Variants in TBC1D8B observed in about 807,000 individuals in gnomAD.
The protein encoded by TBC1D8B is RP11-321G1.1.
In TBC1D8B, 75 loss-of-function variants were observed where a neutral mutation model predicts 82.9. That is an observed-to-expected ratio of 0.90 (90% CI 0.75 to 1.10). TBC1D8B has a LOEUF of 1.10. Ranked by LOEUF, TBC1D8B falls within the 50% of genes least tolerant of loss-of-function variation. The probability of loss-of-function intolerance (pLI) is 0.00; values close to 1 mark genes in which losing one functional copy is unlikely to be tolerated. For synonymous variants in TBC1D8B, 276 were observed against 276.8 expected (o/e 1.00, Z 0.03); for missense variants, 794 against 796.9 (o/e 1.00, Z 0.04).
Position 106,853,545 on chromosome X carries a change from G to A in TBC1D8B, c.2148G>A (p.Lys716=). ...LNRFFDNVTN[K]DSPLPSNVQQ... ...GGTTCTTTGACAATGTCACTAATAAGGATAGTCCATTGCCTTCAAATGTTC... is the reference window on the plus strand; with the variant it reads ...GGTTCTTTGACAATGTCACTAATAAAGATAGTCCATTGCCTTCAAATGTTC... The change falls in exon 13 of 21, where the codon AAG becomes AAA. Residue 716 remains lysine (K), a synonymous_variant. Coordinates refer to ENST00000357242, the MANE Select transcript of TBC1D8B (RefSeq NM_017752.3). 8.3e-7 allele frequency: 1 copy of A among 1,208,261 alleles called. No individual in the cohort carries two copies. The highest frequency in any genetic ancestry group is 1.1e-6 in the Non-Finnish European group (1 of 892,822).
At chrX:106,831,432 C>G (rs1259461494) in intron 7 of TBC1D8B, among the ~76,000 whole-genome samples, 1 of 111,011 alleles carries the variant, frequency 9.0e-6, no homozygotes, top group African/African-American at 3.3e-5. Context: ...TTAGTATGTA[C>G]CCAGGATATT....
At chrX:106,862,699 G>A (rs764414916) in intron 14 of TBC1D8B, among the ~76,000 whole-genome samples, 42 of 105,976 alleles carry the variant, frequency 4.0e-4, no homozygotes, top group Non-Finnish European at 1.2e-4. Context: ...GAGTTCTTGT[G>A]CTGGTTCTTT....
Position 106,809,181 on chromosome X carries a change from C to T in TBC1D8B, c.130+6198C>T, listed in dbSNP as rs749918119. Among the ~76,000 whole-genome samples the T allele has an allele frequency of 2.7e-5, 3 of 111,547 alleles. No individual in the cohort carries two copies. In the South Asian group the frequency reaches 1.1e-3, roughly 42 times the overall value. On this transcript the variant is annotated intron_variant, in intron 1 of 20. Transcript: ENST00000357242. Reference sequence around the variant, plus strand: ...AATGCTTTAATTCAACAGATATTTACCGAGTGCCTTTTAAAAAACAAGCAC... The same window carrying T: ...AATGCTTTAATTCAACAGATATTTATCGAGTGCCTTTTAAAAAACAAGCAC...
In TBC1D8B at chrX:106,868,484, C is replaced by A. The variant is rs376669924; in HGVS notation, c.2812+8C>A. 5.1e-6 allele frequency: 5 copies of A among 973,835 alleles called. No individual in the cohort carries two copies. The highest frequency in any genetic ancestry group is 6.6e-6 in the Non-Finnish European group (5 of 759,348). 80.3% of individuals were successfully genotyped at this position (973,835 alleles called of 1,213,427 possible). ...ATTTCAGTCAGCTGCATGGTAAATA[C>A]CTGTTTAAAATGTTAACTGTTTTGA... is the stretch of plus-strand genomic sequence containing the variant. On this transcript the variant is annotated splice_region_variant and intron_variant, in intron 18 of 20. Transcript: ENST00000357242.
chrX:106,854,967 A>T (rs1932669682), intron 14 of TBC1D8B, among the ~76,000 whole-genome samples: 1 of 112,410 alleles, frequency 8.9e-6, no homozygotes, highest in Non-Finnish European at 1.9e-5. Context: ...TATGTTTTAA[A>T]TACTTGTCTT....
Position 106,872,729 on chromosome X carries a change from A to T in TBC1D8B, c.2968-841A>T, listed in dbSNP as rs1423585095. Reference sequence around the variant, plus strand: ...ATGCCTGTAATCTGAGTGCTTTGGGAGGCCAAAGTAGGAGAGGAGCACTTG... The same window carrying T: ...ATGCCTGTAATCTGAGTGCTTTGGGTGGCCAAAGTAGGAGAGGAGCACTTG... On this transcript the variant is annotated intron_variant, in intron 20 of 20. Transcript: ENST00000357242. Among the ~76,000 whole-genome samples, 3 of 110,130 alleles carry T rather than the reference A, an allele frequency of 2.7e-5. No homozygotes were observed. In the Admixed American group the frequency reaches 2.9e-4, roughly 11 times the overall value.
In TBC1D8B at chrX:106,854,239, C is replaced by T; in HGVS notation, c.2295C>T (p.Arg765=). The T allele has an allele frequency of 8.4e-7, 1 of 1,197,059 alleles. No homozygotes were observed. Among genetic ancestry groups the T allele is most frequent in the South Asian group, 1.9e-5 (1 of 53,825 alleles). ...GCTATGAAGATATACATAGTATGCGCTGTCGAAATAGGTTGTATGTGATAC... is the reference window on the plus strand; with the variant it reads ...GCTATGAAGATATACATAGTATGCGTTGTCGAAATAGGTTGTATGTGATAC... ...NIRYEDIHSM[R]CRNRLYVIQT... The change falls in exon 14 of 21, where the codon CGC becomes CGT. Residue 765 remains arginine, a synonymous_variant. Coordinates refer to ENST00000357242, the MANE Select transcript of TBC1D8B (RefSeq NM_017752.3).
intron 5 of TBC1D8B, among the ~76,000 whole-genome samples, chrX:106,825,049 G>A (rs1448732483): frequency 9.0e-6 from 1 of 110,617 alleles, no homozygotes; most frequent in African/African-American, 3.3e-5. Flanking sequence ...CTTGTATCAT[G>A]GACAACTTTC....
intron 14 of TBC1D8B, 37 bp downstream of exon 14, chrX:106,854,333 T>A (rs1287753382): frequency 1.0e-6 from 1 of 967,826 alleles, no homozygotes; most frequent in Non-Finnish European, 1.4e-6. Flanking sequence ...CCAGTTGGAG[T>A]AATTTTTTTT....
rs180730149 is a variant in TBC1D8B at position 106,848,839 on chromosome X, G to A, written c.1837+536G>A. Among the ~76,000 whole-genome samples the A allele has an allele frequency of 1.0e-3, 114 of 110,096 alleles. 2 individuals are homozygous for A. Among genetic ancestry groups the A allele is most frequent in the African/African-American group, 3.4e-3 (102 of 30,259 alleles). On this transcript the variant is annotated intron_variant, in intron 11 of 20. Transcript: ENST00000357242. The stretch of plus-strand genomic sequence containing the variant: ...GTCGCCCAGGCTGGAGTGCGGCCTC[G>A]GCTTACTGCAAGCTCCACCTCCTGG...
intron 7 of TBC1D8B, chrX:106,830,020 G>C (rs1931991257): frequency 9.0e-6 from 1 of 111,203 alleles, no homozygotes; most frequent in African/African-American, 3.3e-5. Flanking sequence ...CTACAAAATG[G>C]GAGAAATTTT....
At chrX:106,820,105 A>T (rs965024205) in intron 2 of TBC1D8B, among the ~76,000 whole-genome samples, 2 of 111,324 alleles carry the variant, frequency 1.8e-5, no homozygotes, top group Admixed American at 1.9e-4. Flanking sequence ...TATACTAAAA[A>T]GTCAGCATAT....
chrX:106,856,982 AT>A (rs754508196), intron 14 of TBC1D8B, among the ~76,000 whole-genome samples: 98 of 109,363 alleles, frequency 9.0e-4, no homozygotes, highest in African/African-American at 2.0e-3. Flanking sequence ...TAATTGTACT[AT>A]TTTTTTTAGT....
At chrX:106,839,913 G>A (rs1168877019) in intron 8 of TBC1D8B, 135 bp from the exon 9 acceptor site, 2 of 575,366 alleles carry the variant, frequency 3.5e-6, no homozygotes, top group East Asian at 7.5e-5. Context: ...TTCACCCCTG[G>A]GTGAATACTG....
intron 12 of TBC1D8B, among the ~76,000 whole-genome samples, chrX:106,852,814 T>C (rs1223687604): frequency 9.0e-6 from 1 of 111,713 alleles, no homozygotes; most frequent in African/African-American, 3.3e-5. Flanking sequence ...TTTTTGTTAC[T>C]GTAGCCCTGT....
chrX:106,862,776 GTTTTTTTT>G (rs1181091591), intron 14 of TBC1D8B, among the ~76,000 whole-genome samples: 1 of 37,298 alleles, frequency 2.7e-5, no homozygotes, highest in East Asian at 1.0e-3. Context: ...GTTTTTTTTT[GTTTTTTTT>G]TTTTTTTTTT....
Position 106,822,039 on chromosome X carries a change from A to G in TBC1D8B, c.423A>G (p.Arg141=), listed in dbSNP as rs762954142. 8.3e-7 allele frequency: 1 copy of G among 1,211,096 alleles called. No homozygotes were observed. Residue 141 remains arginine, a synonymous_variant, in exon 4 of 21, where the codon CGA becomes CGG. Transcript: ENST00000357242. The stretch of plus-strand genomic sequence containing the variant: ...AAGAAGATGATCCTGAGAAATTTCG[A>G]GAAGCCCTTTTGAAATTTGAAAAAT... ...FAKEDDPEKF[R]EALLKFEKCF...
At chrX:106,829,855 A>G (rs1190409512) in intron 7 of TBC1D8B, 1 of 110,744 alleles carries the variant, frequency 9.0e-6, no homozygotes, top group Admixed American at 9.5e-5. Context: ...AAGAAAACCT[A>G]GGCGTTACCA....
intron 1 of TBC1D8B, chrX:106,815,366 G>A (rs1349513096): frequency 4.5e-5 from 5 of 110,419 alleles, no homozygotes; most frequent in Non-Finnish European, 9.5e-5. Flanking sequence ...TAGATATGCG[G>A]CATTATTTCT....
Sources: allele counts gnomAD v4.1 joint callset (sites outside exome capture counted in the v4.1 genomes callset), GRCh38; gene constraint gnomAD v4.1.1; transcripts MANE v1.5; gene names NCBI Gene and HGNC (gene_info 2026-07-23, HGNC 2026-07-21).